HELZ2: variants seen among roughly 807,000 people sequenced by gnomAD.
HELZ2 encodes helicase with zinc finger 2.
HELZ2 carries 143 observed loss-of-function variants against 208.8 expected under a neutral mutation model. The observed-to-expected ratio is 0.68, with a 90% confidence interval of 0.60 to 0.79. The LOEUF (loss-of-function observed/expected upper bound fraction) is 0.79. HELZ2 is among the 30% of genes least tolerant of loss of function. The pLI is 0.00. For synonymous variants in HELZ2, 1,705 were observed against 1,693.7 expected, an observed-to-expected ratio of 1.01 and a Z score of -0.16; for missense variants, 3,690 against 3,794.5, an observed-to-expected ratio of 0.97 and a Z score of 0.72.
chr20:63,561,532 C>A, intron 12 of HELZ2, 66 bp from the exon 14 acceptor site: 1 of 1,573,870 alleles, frequency 6.4e-7, no homozygotes, highest in South Asian at 1.2e-5. Context: ...CTCAGTGAGA[C>A]CCACCTACAC....
chr20:63,560,154 C>T lies in HELZ2; in HGVS notation c.7657+17G>A, dbSNP rs202221955. The T allele has an allele frequency of 3.5e-4, 544 of 1,544,156 alleles. 2 individuals carry two copies. The African/African-American group carries it at 5.3e-3, about 15-fold the overall frequency. ...GCGCCCACCCTCCCGGCCCCACCCA[C>T]GAGCCCCCAGCCTCACCCTGGCTCT... On this transcript the variant is annotated intron_variant, in intron 17 of 18. Transcript: ENST00000467148.
intron 6 of HELZ2, 67 bp downstream of exon 7, chr20:63,566,777 A>T: frequency 1.4e-6 from 2 of 1,433,958 alleles, no homozygotes; most frequent in Non-Finnish European, 1.9e-6. Context: ...CTCGTCCATC[A>T]GCCGGAGAGC....
exon 9 of HELZ2, chr20:63,562,363 G>A (rs771508655): frequency 8.8e-6 from 14 of 1,590,992 alleles, no homozygotes; most frequent in African/African-American, 5.4e-5. Context: ...TCTAGTCCAC[G>A]CACGGCTTCC....
At chr20:63,559,856 G>A (rs539021787) in intron 18 of HELZ2, 72 bp downstream of exon 19, 7 of 1,535,274 alleles carry the variant, frequency 4.6e-6, no homozygotes, top group Middle Eastern at 2.3e-4. Context: ...TCAGGCAGGA[G>A]TCGGCAGCTC....
chr20:63,574,154 G>A (rs1262584677), upstream of HELZ2: 3 of 70,420 alleles, frequency 4.3e-5, no homozygotes, highest in African/African-American at 1.1e-4. Flanking sequence ...CCGCGCCCCC[G>A]CCCCTCCGCC....
At chr20:63,561,394 G>A in exon 13 of HELZ2, 1 of 1,613,042 alleles carries the variant, frequency 6.2e-7, no homozygotes, top group Non-Finnish European at 8.5e-7. Context: ...TCTGCAGCCG[G>A]GTGTCAAAGG....
At chr20:63,574,043 G>C (rs373045281), upstream of HELZ2, 2 of 151,946 alleles carry the variant, frequency 1.3e-5, no homozygotes, top group Admixed American at 6.6e-5. Context: ...CCGGGACTCC[G>C]CGCCCCCGGC....
At position 63,572,101 on chromosome 20, in the gene HELZ2, T is replaced by C. The variant is rs376646846; in HGVS notation, c.278+7A>G. 45 of 1,604,630 alleles carry C rather than the reference T, an allele frequency of 2.8e-5. No individual in the cohort carries two copies. In the African/African-American group the frequency reaches 4.5e-4, roughly 16 times the overall value. On this transcript the variant is annotated splice_region_variant and intron_variant, in intron 1 of 18. Transcript: ENST00000467148. ...CTACTCCAAGCTCCTGCCTCGAGTA[T>C]CCTTACTTTGGGCAGAGCTCGAACT...
intron 1 of HELZ2, chr20:63,571,150 C>A (rs2083012085): frequency 2.5e-6 from 1 of 405,296 alleles, no homozygotes; most frequent in Non-Finnish European, 4.4e-6. Flanking sequence ...CTACGGTGGG[C>A]TCCTGCCCCG....
At chr20:63,564,658 C>T (rs746844524) in exon 8 of HELZ2, 2 of 1,575,470 alleles carry the variant, frequency 1.3e-6, no homozygotes, top group Non-Finnish European at 1.7e-6. Context: ...GCCTTCGCGC[C>T]TCCACGTCCA....
At chr20:63,573,768 G>A (rs899188974), upstream of HELZ2, among the ~76,000 whole-genome samples, 7 of 108,802 alleles carry the variant, frequency 6.4e-5, no homozygotes, top group Non-Finnish European at 1.2e-4. This position sits in a 1 kb window ranked among gnomAD's most constrained non-coding sequence, Gnocchi z 4.9. Flanking sequence ...AGGAAGAGAT[G>A]GGTCCCCGGG....
rs1273634122 is a variant in HELZ2, at chr20:63,563,589, C to A, written c.5233G>T (p.Val1745Leu). 9 of 1,531,326 alleles carry A rather than the reference C, an allele frequency of 5.9e-6. No individual in the cohort carries two copies. In the South Asian group the frequency reaches 1.1e-4, roughly 18 times the overall value. The allele number at this position is 1,531,326 out of a possible 1,614,324, so 94.9% of individuals were successfully genotyped here. A position where few individuals can be genotyped will look rare whatever the true frequency, so the allele number is the denominator to read the frequency against. The change falls in exon 8 of 19, where the codon GTG becomes TTG. Residue 1745 changes from valine (V) to leucine (L), a missense_variant. By Grantham distance (32) the Val-to-Leu change is conservative. This residue lies in a region of HELZ2 where 2,564 missense variants were observed against 2,580.5 expected (regional missense o/e 0.99). Coordinates refer to ENST00000467148, the Ensembl canonical transcript of HELZ2. ...CAGCGGGAGCCCGCCTCCACGTCCA[C>A]CACGAAGCCCAGCTTGTCCAGAGGC...
chr20:63,562,335 AC>A lies in HELZ2; in HGVS notation c.6349del (p.Val2117SerfsTer17). 1 of 1,596,222 alleles carries A rather than the reference AC, an allele frequency of 6.3e-7. No individual in the cohort carries two copies. On this transcript the variant is annotated frameshift_variant, in exon 9 of 19. Transcript: ENST00000467148. LOFTEE classifies it high-confidence loss of function. The stretch of plus-strand genomic sequence containing the variant: ...AGGCCGGCCCAGTGCGATGCTGGTG[AC>A]CAGCGGGGACGCCTCCTCTAGTCCA...
exon 8 of HELZ2, chr20:63,564,869 T>G: frequency 6.2e-7 from 1 of 1,612,240 alleles, no homozygotes; most frequent in Non-Finnish European, 8.5e-7. Flanking sequence ...CTGCAGCACC[T>G]TGGTGATGGT....
rs745748912 is a variant in HELZ2 at position 63,572,176 on chromosome 20, G to A, written c.210C>T (p.Phe70=). The change falls in exon 1 of 19, where the codon TTC becomes TTT. Residue 70 remains phenylalanine, a synonymous_variant. Coordinates refer to ENST00000467148, the Ensembl canonical transcript of HELZ2. ...GGTGCTCCCAGGGCAGGGCCTGGTC[G>A]AAGGCCACCATCTGTGCGTGCTCCG... The A allele has an allele frequency of 1.7e-5, 27 of 1,610,226 alleles. No individual in the cohort carries two copies. In the South Asian group the frequency reaches 2.0e-4, roughly 12 times the overall value.
chr20:63,565,300 C>T (rs1489902959), exon 8 of HELZ2: 2 of 1,605,814 alleles, frequency 1.2e-6, no homozygotes. Flanking sequence ...AAAGGAGCTG[C>T]ACCAGCACCT....
At chr20:63,560,324 G>T in exon 17 of HELZ2, 1 of 1,552,006 alleles carries the variant, frequency 6.4e-7, no homozygotes, top group Non-Finnish European at 8.7e-7. Flanking sequence ...TTGGTGATAC[G>T]GACCTGAGGA....
exon 16 of HELZ2, chr20:63,560,611 G>A (rs1415437749): frequency 6.2e-7 from 1 of 1,611,498 alleles, no homozygotes; most frequent in East Asian, 2.2e-5. Context: ...CGTGGCCCAG[G>A]ACACTGGGCG....
rs2082966831 is a variant in HELZ2, at chr20:63,566,942, G to A, written c.2416C>T (p.Gln806Ter). Residue 806 changes from glutamine (Q) to a stop codon, truncating the protein, a stop_gained, in exon 6 of 19, where the codon CAG becomes TAG. Coordinates refer to ENST00000467148, the Ensembl canonical transcript of HELZ2. LOFTEE classifies it high-confidence loss of function. ...GCCTCCTGCACCTTCTCGACGACCT[G>A]CGCAATCTCAGCCAGATTCAGCCAG... 1 of 1,610,890 alleles carries A rather than the reference G, an allele frequency of 6.2e-7. No individual in the cohort carries two copies. The highest frequency in any genetic ancestry group is 8.5e-7 in the Non-Finnish European group (1 of 1,179,954).
Sources: allele counts gnomAD v4.1 joint callset (sites outside exome capture counted in the v4.1 genomes callset), GRCh38; gene constraint gnomAD v4.1.1; regional missense constraint gnomAD v4.1.1; non-coding constraint Gnocchi (gnomAD v3.1); transcripts MANE v1.5; gene names NCBI Gene and HGNC (gene_info 2026-07-23, HGNC 2026-07-21).